Variants in SPTB observed in about 807,000 individuals in gnomAD.
SPTB encodes spectrin beta chain, erythrocytic.
SPTB carries 45 observed loss-of-function variants against 256.2 expected under a neutral mutation model. The ratio of observed to expected loss-of-function variants is 0.18; its 90% CI spans 0.14 to 0.23. The LOEUF is 0.23. Ranked by LOEUF, SPTB falls within the 10% of genes least tolerant of loss-of-function variation. The pLI is 1.00. For missense variants in SPTB, 2,715 were observed against 3,040.4 expected (o/e 0.89, Z 2.52); for synonymous variants, 1,231 against 1,243.1 (o/e 0.99, Z 0.21).
intron 1 of SPTB, among the ~76,000 whole-genome samples, chr14:64,831,616 C>A (rs1358646918): frequency 6.6e-6 from 1 of 152,206 alleles, no homozygotes; most frequent in Admixed American, 6.5e-5. Context: ...GCCATTCTGG[C>A]GGGCTGTCTG....
In SPTB at chr14:64,753,811, A is replaced by G. The variant is rs771050794; in HGVS notation, c.6346-18T>C. The G allele has an allele frequency of 1.2e-6, 2 of 1,611,266 alleles. No individual in the cohort carries two copies. Among genetic ancestry groups the G allele is most frequent in the East Asian group, 4.5e-5 (2 of 44,868 alleles). On this transcript the variant is annotated intron_variant, in intron 32 of 35. Transcript: ENST00000644917. ...TCTTCCCCCTGCTCAGGGCATAGGG[A>G]GGAGCACACCTTTCTGGGTACTCTG... is the stretch of plus-strand genomic sequence containing the variant.
At position 64,857,835 on chromosome 14, in the gene SPTB, C is replaced by T. The variant is rs550771596; in HGVS notation, c.-52+21957G>A. 7.9e-5 allele frequency among the ~76,000 whole-genome samples: 12 copies of T among 152,212 alleles called. No individual in the cohort carries two copies. In the South Asian group the frequency reaches 2.5e-3, roughly 32 times the overall value. ...TCCATTTCTAATAGGACCTTGGATA[C>T]ATCAATTCTTTGATCCCTTATAACA... On this transcript the variant is annotated intron_variant, in intron 1 of 35. Transcript: ENST00000644917.
At chr14:64,874,366 G>A (rs1409995739) in intron 1 of SPTB, among the ~76,000 whole-genome samples, 2 of 152,162 alleles carry the variant, frequency 1.3e-5, no homozygotes, top group African/African-American at 4.8e-5. Flanking sequence ...TTTCGCACCA[G>A]ATCAGTGATT....
At chr14:64,867,116 G>A (rs2139814745) in intron 1 of SPTB, among the ~76,000 whole-genome samples, 1 of 152,290 alleles carries the variant, frequency 6.6e-6, no homozygotes, top group East Asian at 1.9e-4. Flanking sequence ...GGGAAACGGT[G>A]GAGAATATAG....
chr14:64,864,157 T>A lies in SPTB; in HGVS notation c.-52+15635A>T, dbSNP rs1882017037. 2.6e-5 allele frequency among the ~76,000 whole-genome samples: 4 copies of A among 152,242 alleles called. No homozygotes were observed. The South Asian group carries it at 8.3e-4, about 32-fold the overall frequency. Reference sequence around the variant, plus strand: ...GGAGCATAAGATATTACACAGCTGATAAGAATGAAATAGGTCAGGCCAGGC... The same window carrying A: ...GGAGCATAAGATATTACACAGCTGAAAAGAATGAAATAGGTCAGGCCAGGC... On this transcript the variant is annotated intron_variant, in intron 1 of 35. Coordinates refer to ENST00000644917, the MANE Select transcript of SPTB (RefSeq NM_001355436.2).
rs1199980673 is a variant in SPTB at position 64,793,104 on chromosome 14, C to T, written c.2559G>A (p.Val853=). The change falls in exon 14 of 36, where the codon GTG becomes GTA. Residue 853 remains valine, a synonymous_variant. Coordinates refer to ENST00000644917, the MANE Select transcript of SPTB (RefSeq NM_001355436.2). The surrounding 1 kb of genome is among the most constrained non-coding windows in gnomAD (Gnocchi z 7.0). The part of the protein sequence containing the change: ...RLQEALDLYT[V]FGETDACELW... ...GCTCACAGGCGTCTGTCTCCCCGAA[C>T]ACCGTGTACAGGTCCAGGGCTTCCT... 2 of 1,614,174 alleles carry T rather than the reference C, an allele frequency of 1.2e-6. No homozygotes were observed. Among genetic ancestry groups the T allele is most frequent in the East Asian group, 2.2e-5 (1 of 44,884 alleles).
In SPTB at chr14:64,749,558, G is replaced by A; in HGVS notation, c.6820-85C>T. Reference sequence around the variant, plus strand: ...AGGCAACAATGGTGGGGGCTCTTGGGACTGCCCCTTCTGAGGGGGCCTCCA... The same window carrying A: ...AGGCAACAATGGTGGGGGCTCTTGGAACTGCCCCTTCTGAGGGGGCCTCCA... On this transcript the variant is annotated intron_variant, in intron 35 of 35. Coordinates refer to ENST00000644917, the MANE Select transcript of SPTB (RefSeq NM_001355436.2). The surrounding 1 kb of genome is among the most constrained non-coding windows in gnomAD (Gnocchi z 4.7). The A allele has an allele frequency of 6.2e-7, 1 of 1,603,854 alleles. No homozygotes were observed. Among genetic ancestry groups the A allele is most frequent in the Non-Finnish European group, 8.5e-7 (1 of 1,178,666 alleles).
Position 64,804,992 on chromosome 14 carries a change from G to T in SPTB, c.247C>A (p.Arg83=). 6.2e-7 allele frequency: 1 copy of T among 1,614,162 alleles called. No homozygotes were observed. Among genetic ancestry groups the T allele is most frequent in the Non-Finnish European group, 8.5e-7 (1 of 1,180,046 alleles). The part of the protein sequence containing the change: ...CRITDLYKDL[R]DGRMLIKLLE... ...AGCTTGATGAGCATGCGCCCATCCC[G>T]CAGGTCCTTGTAGAGATCGGTGATG... The change falls in exon 3 of 36, where the codon CGG becomes AGG. Residue 83 remains arginine, a synonymous_variant. Transcript: ENST00000644917.
rs1228415595 is a variant in SPTB, at chr14:64,772,240, T to A, written c.5553+340A>T. On this transcript the variant is annotated intron_variant, in intron 26 of 35. Coordinates refer to ENST00000644917, the MANE Select transcript of SPTB (RefSeq NM_001355436.2). The surrounding 1 kb of genome is among the most constrained non-coding windows in gnomAD (Gnocchi z 5.4). ...AATATTAGTAGCTGCCTCAGAGGAC[T>A]GCCATGAGGGTCCAGCGGCTACATA... Among the ~76,000 whole-genome samples the A allele has an allele frequency of 6.6e-6, 1 of 152,330 alleles. No individual in the cohort carries two copies. Among genetic ancestry groups the A allele is most frequent in the African/African-American group, 2.4e-5 (1 of 41,590 alleles).
chr14:64,855,753 C>A (rs753241516), intron 1 of SPTB, among the ~76,000 whole-genome samples: 43 of 152,186 alleles, frequency 2.8e-4, no homozygotes, highest in Admixed American at 5.2e-4. Context: ...AGGGCTGGGG[C>A]CAGAGTGCCT....
rs571913124 is a variant in SPTB at position 64,753,382 on chromosome 14, G to A, written c.6602+155C>T. On this transcript the variant is annotated intron_variant, in intron 33 of 35. Transcript: ENST00000644917. Reference sequence around the variant, plus strand: ...TTTCCCATCATGCCAAGTAGCCCTCGGGGCTGGCCCAGAGGGGTGTCTAGG... The same window carrying A: ...TTTCCCATCATGCCAAGTAGCCCTCAGGGCTGGCCCAGAGGGGTGTCTAGG... Among the ~76,000 whole-genome samples the A allele has an allele frequency of 7.2e-5, 11 of 152,112 alleles. 1 individual carries two copies. The East Asian group carries it at 2.1e-3, about 30-fold the overall frequency.
chr14:64,795,672 T>C lies in SPTB; in HGVS notation c.1342-33A>G, dbSNP rs1333682682. 1.2e-6 allele frequency: 2 copies of C among 1,612,104 alleles called. No individual in the cohort carries two copies. Among genetic ancestry groups the C allele is most frequent in the African/African-American group, 1.3e-5 (1 of 74,920 alleles). On this transcript the variant is annotated intron_variant, in intron 11 of 35. Coordinates refer to ENST00000644917, the MANE Select transcript of SPTB (RefSeq NM_001355436.2). This position sits in a 1 kb window ranked among gnomAD's most constrained non-coding sequence, Gnocchi z 6.5. ...ACCGGGAGAAAAACAGGCAGCTCAGTCAGACACCCAGGGGCTCATCCCCAA... is the reference window on the plus strand; with the variant it reads ...ACCGGGAGAAAAACAGGCAGCTCAGCCAGACACCCAGGGGCTCATCCCCAA...
intron 23 of SPTB, 71 bp from the exon 24 acceptor site, chr14:64,774,598 C>T: frequency 6.5e-7 from 1 of 1,548,890 alleles, no homozygotes; most frequent in Admixed American, 2.0e-5. Flanking sequence ...AGTTGTGCCC[C>T]CACTCCTGGA....
chr14:64,803,882 C>T lies in SPTB; in HGVS notation c.301-102G>A. 2.3e-6 allele frequency: 3 copies of T among 1,286,052 alleles called. No individual in the cohort carries two copies. In the South Asian group the frequency reaches 4.2e-5, roughly 18 times the overall value. 79.7% of individuals were successfully genotyped at this position (1,286,052 alleles called of 1,614,324 possible). ...CTGTCATAAGCACCCACCCTCCACC[C>T]TCTTGGCCAAACACCAAGTCCCATG... On this transcript the variant is annotated intron_variant, in intron 3 of 35. Transcript: ENST00000644917.
rs2082766735 is a variant in SPTB, at chr14:64,796,243, G to A, written c.1341+314C>T. On this transcript the variant is annotated intron_variant, in intron 11 of 35. Coordinates refer to ENST00000644917, the MANE Select transcript of SPTB (RefSeq NM_001355436.2). This position sits in a 1 kb window ranked among gnomAD's most constrained non-coding sequence, Gnocchi z 4.1. Reference sequence around the variant, plus strand: ...CTGACACAGACAAGGTGCAGTCTGTGATTTTACCATATCCCCCAAGAACCA... The same window carrying A: ...CTGACACAGACAAGGTGCAGTCTGTAATTTTACCATATCCCCCAAGAACCA... 6.6e-6 allele frequency among the ~76,000 whole-genome samples: 1 copy of A among 152,164 alleles called. No individual in the cohort carries two copies. The highest frequency in any genetic ancestry group is 1.5e-5 in the Non-Finnish European group (1 of 68,016).
At position 64,792,190 on chromosome 14, in the gene SPTB, A is replaced by G. The variant is rs1296024633; in HGVS notation, c.2667-334T>C. ...TGTGTGGGGGATGTCAATTGTCACA[A>G]GGGCCACCTTCCAGGCCTCTGCTTT... On this transcript the variant is annotated intron_variant, in intron 14 of 35. Transcript: ENST00000644917. The surrounding 1 kb of genome is among the most constrained non-coding windows in gnomAD (Gnocchi z 4.2). Among the ~76,000 whole-genome samples, 1 of 152,204 alleles carries G rather than the reference A, an allele frequency of 6.6e-6. No individual in the cohort carries two copies. Among genetic ancestry groups the G allele is most frequent in the Non-Finnish European group, 1.5e-5 (1 of 68,038 alleles).
intron 33 of SPTB, among the ~76,000 whole-genome samples, chr14:64,751,591 G>A (rs1374889519): frequency 6.6e-6 from 1 of 152,052 alleles, no homozygotes; most frequent in African/African-American, 2.4e-5. Context: ...TTACCTTGAA[G>A]TACACTTATA....
intron 6 of SPTB, 61 bp downstream of exon 6, chr14:64,801,693 G>A: frequency 1.3e-6 from 2 of 1,512,564 alleles, no homozygotes; most frequent in South Asian, 1.1e-5. Context: ...AGTGCAATGT[G>A]TCCAAATATT....
intron 1 of SPTB, among the ~76,000 whole-genome samples, chr14:64,859,046 G>A (rs2083916949): frequency 6.6e-6 from 1 of 151,208 alleles, no homozygotes; most frequent in African/African-American, 2.4e-5. Flanking sequence ...AGCACTTGAG[G>A]TCAGGAGTTC....
Sources: gnomAD v4.1 joint callset for allele counts (sites outside exome capture counted in the v4.1 genomes callset) on GRCh38, gnomAD v4.1.1 for gene constraint, Gnocchi (gnomAD v3.1) non-coding constraint, MANE v1.5 for transcripts, NCBI Gene and HGNC (gene_info 2026-07-23, HGNC 2026-07-21) for gene names.